PDE4D: variants seen among roughly 807,000 people sequenced by gnomAD.
PDE4D encodes the protein 3',5'-cyclic-AMP phosphodiesterase 4D.
In PDE4D, 24 loss-of-function variants were observed where a neutral mutation model predicts 87.4. The ratio of observed to expected loss-of-function variants is 0.27; its 90% CI spans 0.20 to 0.39. PDE4D has a LOEUF of 0.39. Among genes scored for constraint, PDE4D ranks in the 10% least tolerant of loss-of-function variants. PDE4D has a pLI of 1.00. For missense variants in PDE4D, 714 were observed against 1,041.0 expected (o/e 0.69, Z 4.32); for synonymous variants, 384 against 383.2 (o/e 1.00, Z -0.02).
In PDE4D at chr5:59,134,518, G is replaced by A. The variant is rs1185357983; in HGVS notation, c.808+46077C>T. Among the ~76,000 whole-genome samples the A allele has an allele frequency of 3.9e-5, 6 of 152,198 alleles. No individual in the cohort carries two copies. The East Asian group carries it at 5.8e-4, about 15-fold the overall frequency. On this transcript the variant is annotated intron_variant, in intron 5 of 14. Transcript: ENST00000340635. The stretch of plus-strand genomic sequence containing the variant: ...ATGTTCCTTTGAATTTAACTAAAAC[G>A]TAACAGGATGTTAAAACGAAACCCT...
chr5:58,992,570 T>A (rs937448929), intron 7 of PDE4D, among the ~76,000 whole-genome samples: 3 of 152,166 alleles, frequency 2.0e-5, no homozygotes, highest in Non-Finnish European at 4.4e-5. Flanking sequence ...TGTATGATAG[T>A]GAGATAAGGG....
chr5:59,113,653 G>A (rs967448855), intron 5 of PDE4D, among the ~76,000 whole-genome samples: 1 of 152,184 alleles, frequency 6.6e-6, no homozygotes, highest in Non-Finnish European at 1.5e-5. Context: ...GGATGCCCTA[G>A]GGTACAACAA....
At chr5:59,157,143 C>T in intron 5 of PDE4D, 1 of 568,690 alleles carries the variant, frequency 1.8e-6, no homozygotes, top group Non-Finnish European at 3.1e-6. Context: ...CAGGATGGTA[C>T]ATTTCCATTG....
At chr5:59,054,233 C>G (rs1349613210) in intron 5 of PDE4D, among the ~76,000 whole-genome samples, 1 of 152,182 alleles carries the variant, frequency 6.6e-6, no homozygotes, top group Non-Finnish European at 1.5e-5. Context: ...TGACCACCGT[C>G]TTCTTCTGAA....
chr5:60,119,705 C>A (rs180913584), intron 2 of PDE4D, among the ~76,000 whole-genome samples: 194 of 152,322 alleles, frequency 1.3e-3, no homozygotes, highest in African/African-American at 4.4e-3. Flanking sequence ...GCCTAACACA[C>A]ATAGTAAGTA....
intron 6 of PDE4D, among the ~76,000 whole-genome samples, chr5:59,005,002 T>C (rs557799941): frequency 5.3e-4 from 81 of 152,338 alleles, no homozygotes; most frequent in South Asian, 4.1e-4. Flanking sequence ...CTCAAGGTAG[T>C]GTACTATTGC....
At chr5:59,613,457 C>A (rs916305013) in intron 1 of PDE4D, among the ~76,000 whole-genome samples, 4 of 152,086 alleles carry the variant, frequency 2.6e-5, no homozygotes, top group African/African-American at 9.7e-5. Flanking sequence ...GGCATATAGA[C>A]TTTGAAGTCT....
intron 1 of PDE4D, among the ~76,000 whole-genome samples, chr5:60,350,146 C>G (rs1759057569): frequency 1.3e-5 from 2 of 152,120 alleles, no homozygotes; most frequent in Admixed American, 6.5e-5. Flanking sequence ...GGAGTTCACT[C>G]CACCTGTGTT....
rs149332659 is a variant in PDE4D at position 59,674,949 on chromosome 5, G to C, written c.455+218219C>G. Among the ~76,000 whole-genome samples the C allele has an allele frequency of 5.3e-4, 81 of 152,204 alleles. 1 individual carries two copies. The highest frequency in any genetic ancestry group is 1.9e-3 in the African/African-American group (79 of 41,526). ...AAACTTCCTTAATCACATTCTTACT[G>C]TCCAGTGACTGAGGTAAATCATGGC... On this transcript the variant is annotated intron_variant, in intron 1 of 14. Coordinates refer to ENST00000340635, the MANE Select transcript of PDE4D (RefSeq NM_001104631.2).
intron 5 of PDE4D, chr5:59,157,133 C>G (rs1304259820): frequency 1.9e-6 from 1 of 531,198 alleles, no homozygotes; most frequent in Non-Finnish European, 3.3e-6. Context: ...CATTAATACC[C>G]AGGATGGTAC....
intron 5 of PDE4D, chr5:59,125,438 C>G (rs1775248025): frequency 5.3e-6 from 1 of 189,530 alleles, no homozygotes; most frequent in Non-Finnish European, 9.8e-6. Context: ...CCTCATCGGG[C>G]TTCCTAGCAC....
chr5:59,226,149 G>A (rs906296882), intron 1 of PDE4D, among the ~76,000 whole-genome samples: 2 of 151,986 alleles, frequency 1.3e-5, no homozygotes, highest in African/African-American at 4.8e-5. Flanking sequence ...CAACTTCTGG[G>A]TATTTATCCA....
intron 3 of PDE4D, among the ~76,000 whole-genome samples, chr5:59,906,630 G>T (rs1234946033): frequency 6.6e-6 from 1 of 152,118 alleles, no homozygotes; most frequent in East Asian, 1.9e-4. Flanking sequence ...TATAAAAACA[G>T]TTTGCTGACC....
At chr5:60,320,103 G>C (rs1464568241) in intron 1 of PDE4D, among the ~76,000 whole-genome samples, 1 of 152,210 alleles carries the variant, frequency 6.6e-6, no homozygotes, top group African/African-American at 2.4e-5. Context: ...AGGCAGGCAG[G>C]CCTCCTTGAG....
intron 1 of PDE4D, among the ~76,000 whole-genome samples, chr5:60,202,888 A>C (rs1303974573): frequency 6.6e-6 from 1 of 152,204 alleles, no homozygotes; most frequent in Non-Finnish European, 1.5e-5. Flanking sequence ...CCTGATAAAC[A>C]CACATGCCCC....
At chr5:60,332,243 G>A (rs1757366282) in intron 1 of PDE4D, among the ~76,000 whole-genome samples, 1 of 152,164 alleles carries the variant, frequency 6.6e-6, no homozygotes, top group South Asian at 2.1e-4. Context: ...GGGATACACT[G>A]CATGATGCTA....
At chr5:60,432,470 G>A (rs1744426572) in intron 1 of PDE4D, among the ~76,000 whole-genome samples, 1 of 152,042 alleles carries the variant, frequency 6.6e-6, no homozygotes, top group Non-Finnish European at 1.5e-5. Context: ...ATTTCTTCCT[G>A]GTTCAGTCTC....
At chr5:59,776,063 A>G (rs766103912) in intron 1 of PDE4D, among the ~76,000 whole-genome samples, 42 of 152,216 alleles carry the variant, frequency 2.8e-4, no homozygotes, top group African/African-American at 9.9e-4. Flanking sequence ...AAAGTTAAAC[A>G]TATCTAAACA....
chr5:60,387,495 C>T (rs1762269412), intron 1 of PDE4D, among the ~76,000 whole-genome samples: 1 of 152,204 alleles, frequency 6.6e-6, no homozygotes, highest in African/African-American at 2.4e-5. Flanking sequence ...CCTACACTGA[C>T]TATAAAATGA....
Sources: gnomAD v4.1 joint callset for allele counts (sites outside exome capture counted in the v4.1 genomes callset) on GRCh38, gnomAD v4.1.1 for gene constraint, MANE v1.5 for transcripts, NCBI Gene and HGNC (gene_info 2026-07-23, HGNC 2026-07-21) for gene names.